SEPTIN11: variants seen among roughly 807,000 people sequenced by gnomAD.
SEPTIN11 encodes the protein septin 11.
SEPTIN11 carries 25 observed loss-of-function variants against 51.4 expected under a neutral mutation model. The ratio of observed to expected loss-of-function variants is 0.49; its 90% CI spans 0.35 to 0.68. The LOEUF is 0.68. Ranked by LOEUF, SEPTIN11 falls within the 30% of genes least tolerant of loss-of-function variation. The pLI is 0.00. For missense variants in SEPTIN11, 381 were observed against 520.8 expected, an observed-to-expected ratio of 0.73 and a Z score of 2.61; for synonymous variants, 174 against 184.1, an observed-to-expected ratio of 0.95 and a Z score of 0.44.
intron 1 of SEPTIN11, among the ~76,000 whole-genome samples, chr4:76,991,260 G>C (rs2279715): frequency 0.52 from 79,688 of 152,014 alleles, 21,758 homozygotes; most frequent in Middle Eastern, 0.62. Context: ...CTGCCAAGGA[G>C]ATATGTATGA....
chr4:76,983,360 C>T (rs1294914903), intron 1 of SEPTIN11, among the ~76,000 whole-genome samples: 2 of 152,214 alleles, frequency 1.3e-5, no homozygotes, highest in Non-Finnish European at 2.9e-5. Context: ...CAGCCTCTGA[C>T]AGCGAGTAAG....
chr4:77,030,396 GTTTGT>G (rs781131565), intron 8 of SEPTIN11, among the ~76,000 whole-genome samples: 2 of 151,868 alleles, frequency 1.3e-5, no homozygotes, highest in Admixed American at 6.6e-5. Flanking sequence ...ACACATATTT[GTTTGT>G]TTTCTTTTAT....
At chr4:76,960,173 G>T (rs1578118050) in intron 1 of SEPTIN11, among the ~76,000 whole-genome samples, 1 of 152,162 alleles carries the variant, frequency 6.6e-6, no homozygotes, top group East Asian at 1.9e-4. Context: ...TGTCACCTTT[G>T]CTCTCATTCT....
intron 2 of SEPTIN11, among the ~76,000 whole-genome samples, chr4:77,001,349 AC>A (rs1724106197): frequency 3.7e-5 from 4 of 109,382 alleles, no homozygotes; most frequent in Admixed American, 3.1e-4. Context: ...TTTTCAATTA[AC>A]TTTTTTTTTT....
intron 1 of SEPTIN11, among the ~76,000 whole-genome samples, chr4:76,975,386 A>G (rs1182775024): frequency 6.6e-6 from 1 of 152,188 alleles, no homozygotes; most frequent in Non-Finnish European, 1.5e-5. Flanking sequence ...AGCCATTCCC[A>G]TAGGTTTTTG....
intron 1 of SEPTIN11, among the ~76,000 whole-genome samples, chr4:76,956,308 G>A (rs1214478194): frequency 6.6e-6 from 1 of 152,154 alleles, no homozygotes; most frequent in Non-Finnish European, 1.5e-5. Context: ...AAGTAATATA[G>A]AGAAGGAAAA....
chr4:77,031,617 C>T (rs1726641637), intron 9 of SEPTIN11: 1 of 152,178 alleles, frequency 6.6e-6, no homozygotes, highest in Admixed American at 6.5e-5. Flanking sequence ...TTGGTCACTT[C>T]CTGTGATACT....
chr4:77,039,254 G>T (rs1344354264), downstream of SEPTIN11: 15 of 1,187,776 alleles, frequency 1.3e-5, no homozygotes, highest in Non-Finnish European at 1.6e-5. Context: ...ACTTGTCAAT[G>T]TCTGCCCATA....
In SEPTIN11 at chr4:77,034,563, T is replaced by C; in HGVS notation, c.*51T>C. On this transcript the variant is annotated 3_prime_UTR_variant, in exon 10 of 10. Transcript: ENST00000264893. Reference sequence around the variant, plus strand: ...GCATTCACCTGCTTTTGCAGTAATATCGTATCTCTGCCATGTGTGTTCTTT... The same window carrying C: ...GCATTCACCTGCTTTTGCAGTAATACCGTATCTCTGCCATGTGTGTTCTTT... The C allele has an allele frequency of 3.3e-6, 5 of 1,510,868 alleles. No individual in the cohort carries two copies. The highest frequency in any genetic ancestry group is 4.4e-6 in the Non-Finnish European group (5 of 1,136,328). 93.6% of individuals were successfully genotyped at this position (1,510,868 alleles called of 1,614,324 possible). A position where few individuals can be genotyped will look rare whatever the true frequency, so the allele number is the denominator to read the frequency against.
intron 3 of SEPTIN11, among the ~76,000 whole-genome samples, chr4:77,008,453 T>A (rs906061008): frequency 1.3e-5 from 2 of 152,164 alleles, no homozygotes; most frequent in African/African-American, 4.8e-5. Context: ...AAGTTTTTAA[T>A]CACACTTTCT....
chr4:76,975,098 A>G (rs1722427105), intron 1 of SEPTIN11, among the ~76,000 whole-genome samples: 1 of 151,194 alleles, frequency 6.6e-6, no homozygotes, highest in Admixed American at 6.6e-5. Flanking sequence ...CCTGGGTGAC[A>G]GCAAGACTAT....
chr4:76,996,604 G>A (rs1256528661), intron 2 of SEPTIN11, 65 bp downstream of exon 2: 1 of 1,131,962 alleles, frequency 8.8e-7, no homozygotes, highest in African/African-American at 1.5e-5. Context: ...AACTGTCGGA[G>A]AGACATGCTT....
intron 2 of SEPTIN11, among the ~76,000 whole-genome samples, chr4:77,005,055 C>T (rs1329895960): frequency 1.3e-5 from 2 of 152,170 alleles, no homozygotes; most frequent in African/African-American, 4.8e-5. Context: ...AAAGTGAGCA[C>T]TCAGTGATGT....
intron 1 of SEPTIN11, among the ~76,000 whole-genome samples, chr4:76,960,014 A>G (rs2109885248): frequency 6.6e-6 from 1 of 152,270 alleles, no homozygotes; most frequent in Middle Eastern, 3.4e-3. Context: ...GTACTCTTTT[A>G]GTTATTTTTA....
Position 77,028,775 on chromosome 4 carries a change from C to T in SEPTIN11, c.1086+14C>T. On this transcript the variant is annotated intron_variant, in intron 8 of 9. Transcript: ENST00000264893. ...GCAGAGAAAGAGGTAAGCCATCTGT[C>T]CTGCTTCAAGGGAAAGATTTGTAAG... 6.3e-7 allele frequency: 1 copy of T among 1,599,706 alleles called. No homozygotes were observed. The highest frequency in any genetic ancestry group is 8.5e-7 in the Non-Finnish European group (1 of 1,175,200).
At position 77,011,908 on chromosome 4, in the gene SEPTIN11, A is replaced by G; in HGVS notation, c.512A>G (p.Lys171Arg). ...LKSLDLVTMK[K>R]LDSKVNIIPI... is the part of the protein sequence containing the mutation. The stretch of plus-strand genomic sequence containing the variant: ...TCCCTGGATCTGGTCACCATGAAAA[A>G]GCTGGACAGTAAGGTACTTGCTGCC... The change falls in exon 4 of 10, where the codon AAG becomes AGG. Residue 171 changes from lysine (K) to arginine (R), a missense_variant. Coordinates refer to ENST00000264893, the MANE Select transcript of SEPTIN11 (RefSeq NM_018243.4). The G allele has an allele frequency of 6.2e-7, 1 of 1,613,900 alleles. No individual in the cohort carries two copies. The highest frequency in any genetic ancestry group is 1.7e-5 in the Admixed American group (1 of 60,008).
intron 1 of SEPTIN11, among the ~76,000 whole-genome samples, chr4:76,966,727 G>C (rs1722050405): frequency 6.6e-6 from 1 of 151,878 alleles, no homozygotes; most frequent in Admixed American, 6.6e-5. Context: ...GCTGGGAGGT[G>C]GTGGCGCTCA....
At chr4:77,025,794 C>T (rs1328878875) in intron 7 of SEPTIN11, among the ~76,000 whole-genome samples, 1 of 152,138 alleles carries the variant, frequency 6.6e-6, no homozygotes, top group Non-Finnish European at 1.5e-5. Flanking sequence ...TGTTCCTGAT[C>T]ATTGTTTCCA....
chr4:76,969,264 T>C (rs1205737166), intron 1 of SEPTIN11, among the ~76,000 whole-genome samples: 1 of 152,148 alleles, frequency 6.6e-6, no homozygotes, highest in African/African-American at 2.4e-5. Context: ...CATTGTCTTG[T>C]TGTAATCGTA....
Sources: allele counts gnomAD v4.1 joint callset (sites outside exome capture counted in the v4.1 genomes callset), GRCh38; gene constraint gnomAD v4.1.1; transcripts MANE v1.5; gene names NCBI Gene and HGNC (gene_info 2026-07-23, HGNC 2026-07-21).